The following TRPM2 variants were observed in gnomAD, a reference collection of about 807,000 sequenced individuals.
TRPM2 encodes the protein estrogen-responsive element-associated gene 1 protein.
A neutral mutation model predicts 174.0 loss-of-function variants in TRPM2; 161 were observed. The observed-to-expected ratio is 0.93, with a 90% CI of 0.81 to 1.05. The LOEUF is 1.05. TRPM2 is among the 50% of genes least tolerant of loss of function. TRPM2 has a pLI of 0.00. For synonymous variants in TRPM2, 954 were observed against 861.3 expected, an observed-to-expected ratio of 1.11 and a Z score of -1.88; for missense variants, 2,057 against 2,038.0, an observed-to-expected ratio of 1.01 and a Z score of -0.18.
intron 2 of TRPM2, among the ~76,000 whole-genome samples, chr21:44,358,128 C>T (rs147293397): frequency 7.9e-5 from 12 of 152,340 alleles, no homozygotes; most frequent in Middle Eastern, 3.4e-3. Flanking sequence ...GACACCCGCC[C>T]GGGTAATCCC....
intron 28 of TRPM2, 89 bp from the exon 29 acceptor site, chr21:44,436,973 C>A: frequency 8.4e-7 from 1 of 1,197,160 alleles, no homozygotes; most frequent in Non-Finnish European, 1.2e-6. Flanking sequence ...TGACACTGCC[C>A]CGCCCCAGGC....
In TRPM2 at chr21:44,427,078, A is replaced by G. The variant is rs113352699; in HGVS notation, c.3941A>G (p.His1314Arg). ...GGCCTGAGGGACCGCCGGAGCTTCCACGGGCCGTACACAGTGCAGGCCGGG... is the reference window on the plus strand; with the variant it reads ...GGCCTGAGGGACCGCCGGAGCTTCCGCGGGCCGTACACAGTGCAGGCCGGG... The part of the protein sequence containing the change: ...VDGLRDRRSF[H>R]GPYTVQAGLP... The change falls in exon 27 of 32, where the codon CAC becomes CGC. Residue 1314 changes from histidine to arginine, a missense_variant. By Grantham distance (29) the His-to-Arg change is conservative. Transcript: ENST00000397928. 2.4e-4 allele frequency: 385 copies of G among 1,605,084 alleles called. 13 individuals are homozygous for G. The African/African-American group carries it at 3.5e-3, about 15-fold the overall frequency.
upstream of TRPM2, among the ~76,000 whole-genome samples, chr21:44,352,413 C>A (rs2123001221): frequency 1.3e-5 from 2 of 152,226 alleles, no homozygotes; most frequent in Non-Finnish European, 1.5e-5. Flanking sequence ...AGCCCGGCAC[C>A]GAGCTTCGAG....
At chr21:44,355,586 G>A (rs1467159832) in intron 2 of TRPM2, among the ~76,000 whole-genome samples, 1 of 152,130 alleles carries the variant, frequency 6.6e-6, no homozygotes, top group South Asian at 2.1e-4. Flanking sequence ...CCCAGCTGTC[G>A]TGCTGTAACT....
rs887950816 is a variant in TRPM2, at chr21:44,442,146, C to T, written c.*329C>T. The T allele has an allele frequency of 1.2e-5, 3 of 248,000 alleles. No individual in the cohort carries two copies. The highest frequency in any genetic ancestry group is 4.5e-5 in the African/African-American group (2 of 44,910). The allele number at this position is 248,000 out of a possible 1,614,324, so 15.4% of individuals were successfully genotyped here. On this transcript the variant is annotated 3_prime_UTR_variant, in exon 32 of 32. Coordinates refer to ENST00000397928, the MANE Select transcript of TRPM2 (RefSeq NM_003307.4). The stretch of plus-strand genomic sequence containing the variant: ...GAGTCCACTCCCTTCCTGGCTGTGT[C>T]ACCCCGAGCAGCTCATCCACCATGG...
chr21:44,362,090 C>G (rs1413481441), intron 2 of TRPM2, among the ~76,000 whole-genome samples: 1 of 152,196 alleles, frequency 6.6e-6, no homozygotes, highest in Non-Finnish European at 1.5e-5. Flanking sequence ...TACAGCTTAT[C>G]ACAATCTGCT....
In TRPM2 at chr21:44,367,067, G is replaced by A. The variant is rs892467563; in HGVS notation, c.604+133G>A. The A allele has an allele frequency of 8.2e-6, 9 of 1,097,982 alleles. No individual in the cohort carries two copies. In the Admixed American group the frequency reaches 1.5e-4, roughly 18 times the overall value. 68.0% of individuals were successfully genotyped at this position (1,097,982 alleles called of 1,614,324 possible). On this transcript the variant is annotated intron_variant, in intron 4 of 31. Transcript: ENST00000397928. This position sits in a 1 kb window ranked among gnomAD's most constrained non-coding sequence, Gnocchi z 4.6. The stretch of plus-strand genomic sequence containing the variant: ...CCGAGGCTGTGCCCCAGCCTGAGTC[G>A]GACCCATGCACCTCTCACCTGGGCA...
chr21:44,416,671 G>T, intron 20 of TRPM2: 1 of 184,068 alleles, frequency 5.4e-6, no homozygotes, highest in South Asian at 8.9e-5. Context: ...AGGAAGCCTG[G>T]AATTGTGAGG....
intron 2 of TRPM2, among the ~76,000 whole-genome samples, chr21:44,363,774 G>A (rs1313758135): frequency 1.3e-5 from 2 of 152,142 alleles, no homozygotes; most frequent in African/African-American, 4.8e-5. Context: ...TATGTTAAGA[G>A]ACTCAAGATC....
rs9975286 is a variant in TRPM2 at position 44,372,567 on chromosome 21, C to T, written c.771+3224C>T. ...CAAATGTCATCATTTAAGTCAGGGA[C>T]GCTGAAGACTCTGGGTCTGATCCAT... On this transcript the variant is annotated intron_variant, in intron 5 of 31. Transcript: ENST00000397928. Among the ~76,000 whole-genome samples the T allele has an allele frequency of 6.0e-3, 918 of 152,322 alleles. 4 individuals are homozygous for T. The highest frequency in any genetic ancestry group is 0.02 in the African/African-American group (844 of 41,570).
Position 44,401,715 on chromosome 21 carries a change from G to C in TRPM2, c.2356G>C (p.Ala786Pro), listed in dbSNP as rs1380958535. The C allele has an allele frequency of 1.9e-6, 3 of 1,613,228 alleles. No homozygotes were observed. Among genetic ancestry groups the C allele is most frequent in the South Asian group, 1.1e-5 (1 of 91,084 alleles). ...GCTGCAGGATGTGGGCACCCCCGCG[G>C]CCCGCGCCCGTGCCTTCTTCACCGC... ...KRLQDVGTPA[A>P]RARAFFTAPV... Residue 786 changes from alanine to proline, a missense_variant, in exon 16 of 32, where the codon GCC (alanine) becomes CCC (proline). Coordinates refer to ENST00000397928, the MANE Select transcript of TRPM2 (RefSeq NM_003307.4).
chr21:44,405,942 C>T lies in TRPM2; in HGVS notation c.2695C>T (p.Leu899Phe). Reference sequence around the variant, plus strand: ...GACGCTGTACCCCGGGCGCGTCATCCTCTCTCTGGACTTCATCCTGTTCTG... The same window carrying T: ...GACGCTGTACCCCGGGCGCGTCATCTTCTCTCTGGACTTCATCCTGTTCTG... ...PATLYPGRVI[L>F]SLDFILFCLR... Residue 899 changes from leucine (L) to phenylalanine (F), a missense_variant, in exon 18 of 32, where the codon CTC (leucine) becomes TTC (phenylalanine). Coordinates refer to ENST00000397928, the MANE Select transcript of TRPM2 (RefSeq NM_003307.4). The T allele has an allele frequency of 1.2e-6, 2 of 1,607,588 alleles. No individual in the cohort carries two copies. The highest frequency in any genetic ancestry group is 1.7e-6 in the Non-Finnish European group (2 of 1,179,724).
At position 44,364,160 on chromosome 21, in the gene TRPM2, G is replaced by A. The variant is rs368453536; in HGVS notation, c.301G>A (p.Glu101Lys). The change falls in exon 3 of 32, where the codon GAG (glutamate) becomes AAG (lysine). Residue 101 changes from glutamate to lysine, a missense_variant. Physicochemically the swap from Glu to Lys is moderately conservative, Grantham distance 56. Transcript: ENST00000397928. ...CGYTHEQHLE[E>K]ATKPHTFQGT... ...CTACACGCATGAGCAGCACTTGGAG[G>A]AGGCTACCAAGCCCCACACCTTCCA... 6 of 1,614,062 alleles carry A rather than the reference G, an allele frequency of 3.7e-6. No individual in the cohort carries two copies. In the African/African-American group the frequency reaches 8.0e-5, roughly 22 times the overall value.
At chr21:44,371,800 G>C (rs1286521312) in intron 5 of TRPM2, among the ~76,000 whole-genome samples, 2 of 152,224 alleles carry the variant, frequency 1.3e-5, no homozygotes, top group Non-Finnish European at 2.9e-5. Flanking sequence ...TGACCTCAAA[G>C]ATTTCTGTCC....
Position 44,354,963 on chromosome 21 carries a change from G to A in TRPM2, c.254+227G>A, listed in dbSNP as rs1165117347. On this transcript the variant is annotated intron_variant, in intron 2 of 31. Transcript: ENST00000397928. This position sits in a 1 kb window ranked among gnomAD's most constrained non-coding sequence, Gnocchi z 4.3. ...GCCTCGCAGGTGCAGGGACCAAAGT[G>A]CAGAGTTTAGGTGACTTGTTCAGGG... Among the ~76,000 whole-genome samples the A allele has an allele frequency of 6.6e-6, 1 of 152,218 alleles. No homozygotes were observed. Among genetic ancestry groups the A allele is most frequent in the Non-Finnish European group, 1.5e-5 (1 of 68,040 alleles).
intron 30 of TRPM2, among the ~76,000 whole-genome samples, chr21:44,440,486 G>A (rs552756822): frequency 2.4e-4 from 37 of 152,240 alleles, no homozygotes; most frequent in Admixed American, 2.2e-3. Context: ...CTGGGTGTCT[G>A]TTATGAGTGG....
Position 44,353,628 on chromosome 21 carries a change from C to T in TRPM2, c.-73C>T. 7.2e-7 allele frequency: 1 copy of T among 1,387,972 alleles called. No homozygotes were observed. The highest frequency in any genetic ancestry group is 9.3e-7 in the Non-Finnish European group (1 of 1,070,848). The allele number at this position is 1,387,972 out of a possible 1,614,324, so 86.0% of individuals were successfully genotyped here. ...ACCACCCCATGTGTCTCTAGAACCCCAGTGTAGCGAGCTGGAGAGAGGACT... is the reference window on the plus strand; with the variant it reads ...ACCACCCCATGTGTCTCTAGAACCCTAGTGTAGCGAGCTGGAGAGAGGACT... On this transcript the variant is annotated 5_prime_UTR_variant, in exon 1 of 32. Coordinates refer to ENST00000397928, the MANE Select transcript of TRPM2 (RefSeq NM_003307.4).
chr21:44,416,877 C>T (rs974536148), intron 20 of TRPM2: 20 of 196,376 alleles, frequency 1.0e-4, no homozygotes, highest in Non-Finnish European at 1.6e-4. Context: ...ACAGTGGGCA[C>T]GTGGGTGTGG....
chr21:44,428,993 C>G (rs1045714066), intron 27 of TRPM2, among the ~76,000 whole-genome samples: 5 of 152,206 alleles, frequency 3.3e-5, no homozygotes, highest in African/African-American at 4.8e-5. Flanking sequence ...TAGTCTTGAG[C>G]CTTTAGCTTT....
Sources: allele counts gnomAD v4.1 joint callset (sites outside exome capture counted in the v4.1 genomes callset), GRCh38; gene constraint gnomAD v4.1.1; non-coding constraint Gnocchi (gnomAD v3.1); transcripts MANE v1.5; gene names NCBI Gene and HGNC (gene_info 2026-07-23, HGNC 2026-07-21).